The following FRMD1 variants were observed in gnomAD, a reference collection of about 807,000 sequenced individuals.
FRMD1 encodes FERM domain containing 1, also known as FERM domain-containing protein 1.
A neutral mutation model predicts 54.9 loss-of-function variants in FRMD1; 51 were observed. The ratio of observed to expected loss-of-function variants is 0.93; its 90% CI spans 0.74 to 1.17. FRMD1 has a LOEUF of 1.17. Ranked by LOEUF, FRMD1 falls within the 50% of genes most tolerant of loss-of-function variation. The probability of loss-of-function intolerance (pLI) is 0.00; values close to 1 mark genes in which losing one functional copy is unlikely to be tolerated. For missense variants in FRMD1, 729 were observed against 743.0 expected, an observed-to-expected ratio of 0.98 and a Z score of 0.22; for synonymous variants, 324 against 306.4, an observed-to-expected ratio of 1.06 and a Z score of -0.60.
chr6:168,081,201 C>T (rs1800820686), upstream of FRMD1: 1 of 659,966 alleles, frequency 1.5e-6, no homozygotes, highest in Admixed American at 3.4e-5. Context: ...CGTGCTGAGG[C>T]TCCAAGGCAA....
At chr6:168,081,616 CAGGTTTTGG>C (rs1800833222), upstream of FRMD1, 2 of 1,179,830 alleles carry the variant, frequency 1.7e-6, no homozygotes, top group East Asian at 2.6e-5. Context: ...CCACAAAGCA[CAGGTTTTGG>C]AAAACAATGT....
At position 168,065,381 on chromosome 6, in the gene FRMD1, G is replaced by A. The variant is rs113701277; in HGVS notation, c.462-324C>T. The A allele has an allele frequency of 4.0e-3, 4,378 of 1,100,234 alleles. 17 individuals carry two copies. The highest frequency in any genetic ancestry group is 7.1e-3 in the Middle Eastern group (18 of 2,542). 68.2% of individuals were successfully genotyped at this position (1,100,234 alleles called of 1,614,324 possible). A position where few individuals can be genotyped will look rare whatever the true frequency, so the allele number is the denominator to read the frequency against. ...AGTGCAGGAGAGGTGCACAGAGCCC[G>A]GGCGACTCGAATCCCTGGAGGTGCA... On this transcript the variant is annotated intron_variant, in intron 4 of 10. Coordinates refer to ENST00000283309, the MANE Select transcript of FRMD1 (RefSeq NM_024919.6).
chr6:168,090,829 A>G (rs1250833375), intron 1 of FRMD1, among the ~76,000 whole-genome samples: 1 of 152,190 alleles, frequency 6.6e-6, no homozygotes, highest in Non-Finnish European at 1.5e-5. Flanking sequence ...TGTGATTCTC[A>G]GCCGCCCTCT....
chr6:168,083,509 T>A (rs552560188), upstream of FRMD1, among the ~76,000 whole-genome samples: 1 of 152,166 alleles, frequency 6.6e-6, no homozygotes, highest in East Asian at 1.9e-4. Flanking sequence ...GAATGAGAGG[T>A]TAAATCAACA....
At position 168,078,923 on chromosome 6, in the gene FRMD1, C is replaced by T. The variant is rs779816150; in HGVS notation, c.172G>A (p.Val58Met). 3 of 1,606,052 alleles carry T rather than the reference C, an allele frequency of 1.9e-6. No homozygotes were observed. The highest frequency in any genetic ancestry group is 2.5e-6 in the Non-Finnish European group (3 of 1,178,826). ...AMASEHRDVL[V>M]LLPSREQLRL... ...AGTTGCTCCCGGCTGGGCAGCAGCA[C>T]GAGGACATCCCTGTGTTCCGAGGCC... The change falls in exon 1 of 11, where the codon GTG becomes ATG. Residue 58 changes from valine to methionine, a missense_variant. Coordinates refer to ENST00000283309, the MANE Select transcript of FRMD1 (RefSeq NM_024919.6).
intron 2 of FRMD1, among the ~76,000 whole-genome samples, chr6:168,072,015 A>G (rs1278513965): frequency 2.0e-5 from 3 of 152,216 alleles, no homozygotes; most frequent in Non-Finnish European, 2.9e-5. Context: ...TGACACGGAC[A>G]CTGTGCCTCA....
At chr6:168,087,773 C>T (rs564045607) in intron 1 of FRMD1, among the ~76,000 whole-genome samples, 207 of 152,288 alleles carry the variant, frequency 1.4e-3, no homozygotes, top group African/African-American at 4.7e-3. Context: ...GAAGCAGGAC[C>T]CATTCCTAGG....
chr6:168,082,762 C>T (rs1800855986), upstream of FRMD1, among the ~76,000 whole-genome samples: 1 of 152,222 alleles, frequency 6.6e-6, no homozygotes, highest in Non-Finnish European at 1.5e-5. Context: ...ACGAAAGCCT[C>T]GTCTTCTGGG....
At chr6:168,070,182 AGAGT>A (rs1459416189) in intron 2 of FRMD1, among the ~76,000 whole-genome samples, 2 of 151,460 alleles carry the variant, frequency 1.3e-5, no homozygotes, top group Non-Finnish European at 2.9e-5. Flanking sequence ...CCTGGGTGGC[AGAGT>A]GAGATGAAGG....
At chr6:168,062,791 T>A in intron 7 of FRMD1, 103 bp downstream of exon 7, 2 of 1,604,540 alleles carry the variant, frequency 1.2e-6, no homozygotes, top group Non-Finnish European at 1.7e-6. Context: ...CCAGCGCCCA[T>A]GACCGCTGCA....
At chr6:168,066,036 C>T in intron 4 of FRMD1, 3 of 1,000,124 alleles carry the variant, frequency 3.0e-6, no homozygotes, top group Non-Finnish European at 3.6e-6. Flanking sequence ...ACAACTTACC[C>T]ACTCCTGTCG....
chr6:168,091,491 G>A (rs912007060), intron 1 of FRMD1, among the ~76,000 whole-genome samples: 5 of 152,224 alleles, frequency 3.3e-5, no homozygotes, highest in Admixed American at 2.0e-4. Context: ...CCGTGGCCTC[G>A]GTCAGGTGTC....
intron 5 of FRMD1, among the ~76,000 whole-genome samples, chr6:168,064,539 C>A (rs930298642): frequency 1.3e-5 from 2 of 152,174 alleles, no homozygotes; most frequent in Non-Finnish European, 2.9e-5. Context: ...CCACAAGGCC[C>A]GTGTGGGTCA....
intron 2 of FRMD1, among the ~76,000 whole-genome samples, chr6:168,069,375 G>C (rs1800188947): frequency 6.6e-6 from 1 of 152,196 alleles, no homozygotes; most frequent in East Asian, 1.9e-4. Flanking sequence ...TATTTACTAT[G>C]TGGCCTTTTA....
chr6:168,056,884 T>G lies in FRMD1; in HGVS notation c.*213A>C. On this transcript the variant is annotated 3_prime_UTR_variant, in exon 11 of 11. Coordinates refer to ENST00000283309, the MANE Select transcript of FRMD1 (RefSeq NM_024919.6). The stretch of plus-strand genomic sequence containing the variant: ...CTGAGGGAAAGAGCTCCCGGGTGTA[T>G]GGCAGACAGGCATGAGGTGCGGGAC... 1 of 463,164 alleles carries G rather than the reference T, an allele frequency of 2.2e-6. No homozygotes were observed. Among genetic ancestry groups the G allele is most frequent in the Admixed American group, 4.0e-5 (1 of 25,076 alleles). 28.7% of individuals were successfully genotyped at this position (463,164 alleles called of 1,614,324 possible). A position where few individuals can be genotyped will look rare whatever the true frequency, so the allele number is the denominator to read the frequency against.
At chr6:168,064,037 A>G (rs1270118004) in intron 5 of FRMD1, among the ~76,000 whole-genome samples, 3 of 152,334 alleles carry the variant, frequency 2.0e-5, no homozygotes, top group East Asian at 1.9e-4. Flanking sequence ...TCTACTCCCA[A>G]CGAGCCCTGG....
intron 2 of FRMD1, among the ~76,000 whole-genome samples, chr6:168,074,474 G>A (rs557004309): frequency 2.7e-4 from 41 of 150,732 alleles, no homozygotes; most frequent in East Asian, 8.2e-4. Flanking sequence ...TGTGTGTGGT[G>A]CATGCATGTG....
At position 168,066,868 on chromosome 6, in the gene FRMD1, C is replaced by T. The variant is rs374431787; in HGVS notation, c.385-37G>A. The T allele has an allele frequency of 1.4e-5, 23 of 1,606,248 alleles. No homozygotes were observed. The African/African-American group carries it at 2.3e-4, about 16-fold the overall frequency. On this transcript the variant is annotated intron_variant, in intron 3 of 10. Coordinates refer to ENST00000283309, the MANE Select transcript of FRMD1 (RefSeq NM_024919.6). ...AATGCAAGAAAGAGCAAGTGAGCCG[C>T]AGGGAGGTGCCGCTGGCTGTCCTGT...
chr6:168,088,832 A>G (rs1200190201), intron 1 of FRMD1, among the ~76,000 whole-genome samples: 6 of 40,104 alleles, frequency 1.5e-4, no homozygotes, highest in Non-Finnish European at 4.0e-4. Flanking sequence ...CACATGCGCT[A>G]CTAACCAGGT....
Sources: allele counts gnomAD v4.1 joint callset (sites outside exome capture counted in the v4.1 genomes callset), GRCh38; gene constraint gnomAD v4.1.1; transcripts MANE v1.5; gene names NCBI Gene and HGNC (gene_info 2026-07-23, HGNC 2026-07-21).